Variants in ZFP91 observed in about 807,000 individuals in gnomAD.
ZFP91 encodes the protein ZFP91 zinc finger protein, atypical E3 ubiquitin ligase, also known as E3 ubiquitin-protein ligase ZFP91.
ZFP91 carries 7 observed loss-of-function variants against 63.5 expected under a neutral mutation model. The ratio of observed to expected loss-of-function variants is 0.11; its 90% CI spans 0.06 to 0.21. The LOEUF is 0.21. ZFP91 is among the 10% of genes least tolerant of loss of function. The probability of loss-of-function intolerance (pLI) is 1.00; values close to 1 mark genes in which losing one functional copy is unlikely to be tolerated. For missense variants in ZFP91, 628 were observed against 736.6 expected (o/e 0.85, Z 1.71); for synonymous variants, 330 against 272.1 (o/e 1.21, Z -2.10).
At chr11:58,600,977 C>G (rs535144051) in intron 2 of ZFP91, among the ~76,000 whole-genome samples, 1 of 152,166 alleles carries the variant, frequency 6.6e-6, no homozygotes, top group African/African-American at 2.4e-5. Flanking sequence ...ATCGAACCAC[C>G]CTCATAATCC....
chr11:58,585,453 C>G (rs183317077), intron 2 of ZFP91, among the ~76,000 whole-genome samples: 1 of 152,170 alleles, frequency 6.6e-6, no homozygotes, highest in African/African-American at 2.4e-5. Context: ...ATTGCCCTAA[C>G]GTGTTGGACC....
chr11:58,579,285 C>T lies in ZFP91; in HGVS notation c.4C>T (p.Pro2Ser), dbSNP rs750014512. Residue 2 changes from proline (P) to serine (S), a missense_variant, in exon 1 of 11, where the codon CCG becomes TCG. Physicochemically the swap from Pro to Ser is moderately conservative, Grantham distance 74 (BLOSUM62 -1). Around this residue, in one of 3 missense-constraint regions of ZFP91, gnomAD observed 437 missense variants for 380.3 expected, o/e 1.15. Coordinates refer to ENST00000316059, the MANE Select transcript of ZFP91 (RefSeq NM_053023.5). Reference sequence around the variant, plus strand: ...GGTGGGGGACGGACAAGCCCCGATGCCGGGGGAGACGGAAGAGCCGAGACC... The same window carrying T: ...GGTGGGGGACGGACAAGCCCCGATGTCGGGGGAGACGGAAGAGCCGAGACC... M[P>S]GETEEPRPPE... The T allele has an allele frequency of 1.3e-5, 19 of 1,449,870 alleles. No homozygotes were observed. The highest frequency in any genetic ancestry group is 2.9e-5 in the East Asian group (1 of 33,924). 89.8% of individuals were successfully genotyped at this position (1,449,870 alleles called of 1,614,324 possible).
At chr11:58,605,678 C>T (rs1339713482) in intron 2 of ZFP91, among the ~76,000 whole-genome samples, 1 of 151,578 alleles carries the variant, frequency 6.6e-6, no homozygotes, top group East Asian at 1.9e-4. Flanking sequence ...TCACTTCTTG[C>T]TGTTTTTATG....
chr11:58,617,846 A>G lies in ZFP91; in HGVS notation c.*140A>G, dbSNP rs1343704840. 3 of 1,124,580 alleles carry G rather than the reference A, an allele frequency of 2.7e-6. No individual in the cohort carries two copies. The highest frequency in any genetic ancestry group is 3.2e-5 in the African/African-American group (2 of 62,364). 69.7% of individuals were successfully genotyped at this position (1,124,580 alleles called of 1,614,324 possible). A position where few individuals can be genotyped will look rare whatever the true frequency, so the allele number is the denominator to read the frequency against. On this transcript the variant is annotated 3_prime_UTR_variant, in exon 11 of 11. Coordinates refer to ENST00000316059, the MANE Select transcript of ZFP91 (RefSeq NM_053023.5). The surrounding 1 kb of genome is among the most constrained non-coding windows in gnomAD (Gnocchi z 4.2). ...CTTTCCATTGTGGATCACAGCACAC[A>G]CATACATACACCCTCCACCTCCCCA... is the stretch of plus-strand genomic sequence containing the variant.
chr11:58,585,000 A>C, intron 2 of ZFP91, 116 bp downstream of exon 2: 1 of 771,076 alleles, frequency 1.3e-6, no homozygotes. Context: ...ATTTGGTAAA[A>C]AATTACTGGA....
At chr11:58,609,261 T>C (rs530204809) in intron 2 of ZFP91, among the ~76,000 whole-genome samples, 7 of 152,322 alleles carry the variant, frequency 4.6e-5, no homozygotes, top group African/African-American at 9.6e-5. Context: ...CAATGTCTTA[T>C]AGGACAACTG....
In ZFP91 at chr11:58,617,674, C is replaced by A. The variant is rs965630189; in HGVS notation, c.1681C>A (p.Leu561Met). ...SDILGATTEV[L>M]IEDSDSAGP Reference sequence around the variant, plus strand: ...TATACTCGGTGCTACCACAGAGGTTCTGATTGAAGATTCAGACTCTGCCGG... The same window carrying A: ...TATACTCGGTGCTACCACAGAGGTTATGATTGAAGATTCAGACTCTGCCGG... The change falls in exon 11 of 11, where the codon CTG becomes ATG. Residue 561 changes from leucine to methionine, a missense_variant. Transcript: ENST00000316059. This position sits in a 1 kb window ranked among gnomAD's most constrained non-coding sequence, Gnocchi z 4.2. The A allele has an allele frequency of 1.3e-6, 2 of 1,521,902 alleles. No individual in the cohort carries two copies. The highest frequency in any genetic ancestry group is 4.3e-5 in the Admixed American group (2 of 46,242). The allele number at this position is 1,521,902 out of a possible 1,614,324, so 94.3% of individuals were successfully genotyped here.
At chr11:58,594,776 G>A (rs1855368888) in intron 2 of ZFP91, among the ~76,000 whole-genome samples, 2 of 152,170 alleles carry the variant, frequency 1.3e-5, no homozygotes, top group Non-Finnish European at 2.9e-5. Flanking sequence ...GTTTTGGAAT[G>A]TAAACATTCT....
chr11:58,620,718 G>A lies in ZFP91; in HGVS notation c.*3012G>A, dbSNP rs761605049. The A allele has an allele frequency of 6.6e-6, 1 of 152,540 alleles. No homozygotes were observed. The highest frequency in any genetic ancestry group is 1.5e-5 in the Non-Finnish European group (1 of 68,012). The allele number at this position is 152,540 out of a possible 1,614,324, so 9.4% of individuals were successfully genotyped here. Reference sequence around the variant, plus strand: ...TACCAATCTAACTAAGATTATTATAGTCTGGTTGTTTGAAATACCATTTTT... The same window carrying A: ...TACCAATCTAACTAAGATTATTATAATCTGGTTGTTTGAAATACCATTTTT... On this transcript the variant is annotated 3_prime_UTR_variant, in exon 11 of 11. Coordinates refer to ENST00000316059, the MANE Select transcript of ZFP91 (RefSeq NM_053023.5).
intron 2 of ZFP91, among the ~76,000 whole-genome samples, chr11:58,602,871 C>T (rs944821508): frequency 2.0e-5 from 3 of 152,030 alleles, no homozygotes; most frequent in Non-Finnish European, 4.4e-5. Context: ...CAGCTATACT[C>T]GGGAGGCTGA....
chr11:58,597,233 T>C (rs1855418651), intron 2 of ZFP91, among the ~76,000 whole-genome samples: 2 of 152,186 alleles, frequency 1.3e-5, no homozygotes, highest in African/African-American at 4.8e-5. Context: ...AGTAGCTTTA[T>C]AGATAAGGGC....
At chr11:58,595,048 A>G (rs1237822173) in intron 2 of ZFP91, among the ~76,000 whole-genome samples, 1 of 152,124 alleles carries the variant, frequency 6.6e-6, no homozygotes, top group East Asian at 1.9e-4. Flanking sequence ...TTTCTCGTTT[A>G]TATGGTTAGG....
In ZFP91 at chr11:58,610,345, C is replaced by A. The variant is rs200474201; in HGVS notation, c.617+11C>A. On this transcript the variant is annotated intron_variant, in intron 4 of 10. Coordinates refer to ENST00000316059, the MANE Select transcript of ZFP91 (RefSeq NM_053023.5). ...TCCAGGTGGCATTAGGTAAAAAAAA[C>A]ATTAATATTTCATTTTTAAACCTTT... is the stretch of plus-strand genomic sequence containing the variant. 3 of 1,510,276 alleles carry A rather than the reference C, an allele frequency of 2.0e-6. No individual in the cohort carries two copies. The highest frequency in any genetic ancestry group is 2.6e-6 in the Non-Finnish European group (3 of 1,138,054). The allele number at this position is 1,510,276 out of a possible 1,614,324, so 93.6% of individuals were successfully genotyped here. A position where few individuals can be genotyped will look rare whatever the true frequency, so the allele number is the denominator to read the frequency against.
Position 58,579,338 on chromosome 11 carries a change from A to T in ZFP91, c.57A>T (p.Gly19=), listed in dbSNP as rs1855041339. Residue 19 remains glycine (G), a synonymous_variant, in exon 1 of 11, where the codon GGA becomes GGT. Transcript: ENST00000316059. ...CGGAGCAGCAGGACCAGGAAGGGGGAGAGGCGGCCAAGGCGGCTCCGGAGG... is the reference window on the plus strand; with the variant it reads ...CGGAGCAGCAGGACCAGGAAGGGGGTGAGGCGGCCAAGGCGGCTCCGGAGG... The part of the protein sequence containing the change: ...RPPEQQDQEG[G]EAAKAAPEEP... 6.7e-7 allele frequency: 1 copy of T among 1,493,872 alleles called. No individual in the cohort carries two copies. The highest frequency in any genetic ancestry group is 8.9e-7 in the Non-Finnish European group (1 of 1,126,332). 92.5% of individuals were successfully genotyped at this position (1,493,872 alleles called of 1,614,324 possible).
At chr11:58,591,630 C>G (rs1855307777) in intron 2 of ZFP91, among the ~76,000 whole-genome samples, 1 of 152,150 alleles carries the variant, frequency 6.6e-6, no homozygotes, top group Non-Finnish European at 1.5e-5. Context: ...AACCATTAAT[C>G]TACTTTCTGT....
intron 2 of ZFP91, among the ~76,000 whole-genome samples, chr11:58,600,283 T>A (rs1386785729): frequency 6.6e-6 from 1 of 152,112 alleles, no homozygotes; most frequent in Non-Finnish European, 1.5e-5. Context: ...TTCAGAGTAT[T>A]GTCATCTTAA....
At chr11:58,606,732 T>C (rs1215579026) in intron 2 of ZFP91, among the ~76,000 whole-genome samples, 2 of 152,152 alleles carry the variant, frequency 1.3e-5, no homozygotes, top group African/African-American at 4.8e-5. Context: ...TCTCTAAAGG[T>C]TCTGGTCCTT....
Position 58,597,861 on chromosome 11 carries a change from C to G in ZFP91, c.371-11969C>G, listed in dbSNP as rs752420582. ...GCAATTCAACTTTTTCTTGTAATAC[C>G]GTGACTTTTCTCTGCTTCTTGGAAG... On this transcript the variant is annotated intron_variant, in intron 2 of 10. Coordinates refer to ENST00000316059, the MANE Select transcript of ZFP91 (RefSeq NM_053023.5). Among the ~76,000 whole-genome samples, 86 of 152,064 alleles carry G rather than the reference C, an allele frequency of 5.7e-4. 1 individual carries two copies. The highest frequency in any genetic ancestry group is 2.4e-4 in the Non-Finnish European group (16 of 67,980).
At chr11:58,581,411 G>A (rs561915225) in intron 1 of ZFP91, among the ~76,000 whole-genome samples, 1 of 152,242 alleles carries the variant, frequency 6.6e-6, no homozygotes, top group Non-Finnish European at 1.5e-5. Flanking sequence ...CCAGGCTGGA[G>A]CAGTGCCACG....
Sources: gnomAD v4.1 joint callset for allele counts (sites outside exome capture counted in the v4.1 genomes callset) on GRCh38, gnomAD v4.1.1 for gene constraint, gnomAD v4.1.1 regional missense constraint, Gnocchi (gnomAD v3.1) non-coding constraint, MANE v1.5 for transcripts, NCBI Gene and HGNC (gene_info 2026-07-23, HGNC 2026-07-21) for gene names.